Variants in CFH observed in about 807,000 individuals in gnomAD.
The protein encoded by CFH is complement factor H, also known as H factor 1 (complement).
CFH carries 53 observed loss-of-function variants against 147.3 expected under a neutral mutation model. The ratio of observed to expected loss-of-function variants is 0.36; its 90% confidence interval spans 0.29 to 0.45. CFH has a LOEUF of 0.45. Ranked by LOEUF, CFH falls within the 20% of genes least tolerant of loss-of-function variation. The probability of loss-of-function intolerance (pLI) is 1.00; values close to 1 mark genes in which losing one functional copy is unlikely to be tolerated. For synonymous variants in CFH, 536 were observed against 489.4 expected, an observed-to-expected ratio of 1.10 and a Z score of -1.26; for missense variants, 1,380 against 1,498.0, an observed-to-expected ratio of 0.92 and a Z score of 1.30.
chr1:196,713,884 A>C lies in CFH; in HGVS notation c.1486A>C (p.Lys496Gln). 1.2e-6 allele frequency: 2 copies of C among 1,612,722 alleles called. No individual in the cohort carries two copies. The highest frequency in any genetic ancestry group is 1.7e-6 in the Non-Finnish European group (2 of 1,179,124). ...AACATCAGGATCAATTACATGTGGG[A>C]AAGATGGATGGTCAGCTCAACCCAC... ...GETSGSITCG[K>Q]DGWSAQPTCI... Residue 496 changes from lysine to glutamine, a missense_variant, in exon 10 of 22, where the codon AAA becomes CAA. This residue lies in a region of CFH where 830 missense variants were observed against 821.4 expected (regional missense o/e 1.01). Coordinates refer to ENST00000367429, the MANE Select transcript of CFH (RefSeq NM_000186.4).
At chr1:196,685,328 G>A (rs1162699912) in intron 7 of CFH, 91 bp downstream of exon 7, 3 of 1,314,990 alleles carry the variant, frequency 2.3e-6, no homozygotes, top group South Asian at 1.2e-5. Context: ...CCAAATATTT[G>A]TCTTATTGTA....
chr1:196,718,740 A>G (rs1558175520), intron 11 of CFH, among the ~76,000 whole-genome samples: 1 of 152,080 alleles, frequency 6.6e-6, no homozygotes, highest in Non-Finnish European at 1.5e-5. Context: ...CAGACATGAA[A>G]TGAAAACCTA....
intron 9 of CFH, among the ~76,000 whole-genome samples, chr1:196,698,420 A>G (rs1363002005): frequency 1.3e-5 from 2 of 152,184 alleles, no homozygotes; most frequent in Non-Finnish European, 2.9e-5. Flanking sequence ...AATACAAACT[A>G]CCATCAGAGA....
At chr1:196,733,423 T>C (rs1373241113) in intron 15 of CFH, among the ~76,000 whole-genome samples, 1 of 152,076 alleles carries the variant, frequency 6.6e-6, no homozygotes, top group African/African-American at 2.4e-5. Flanking sequence ...ATTTTTCTAA[T>C]ATCTGCTGTG....
chr1:196,686,477 A>T (rs514756), intron 7 of CFH, among the ~76,000 whole-genome samples: 6,567 of 151,990 alleles, frequency 0.043, 442 homozygotes, highest in African/African-American at 0.14. Context: ...ACCCCTTTTT[A>T]ATGTTTTTTC....
At chr1:196,738,543 T>A (rs1006010667) in intron 17 of CFH, among the ~76,000 whole-genome samples, 1 of 152,180 alleles carries the variant, frequency 6.6e-6, no homozygotes, top group African/African-American at 2.4e-5. Context: ...TTGATGGAAG[T>A]CTGAAATTTA....
intron 10 of CFH, 114 bp downstream of exon 10, chr1:196,714,031 A>C (rs535078007): frequency 8.6e-5 from 79 of 917,114 alleles, no homozygotes; most frequent in African/African-American, 1.9e-4. Context: ...AGAAAAAAAA[A>C]CCTGCAGGAA....
intron 9 of CFH, among the ~76,000 whole-genome samples, chr1:196,694,611 A>C (rs938807727): frequency 6.6e-6 from 1 of 151,804 alleles, no homozygotes; most frequent in African/African-American, 2.4e-5. Flanking sequence ...ACTAATTTAC[A>C]CTCCCACCAA....
At chr1:196,739,472 G>A (rs1414219763) in intron 17 of CFH, among the ~76,000 whole-genome samples, 2 of 152,086 alleles carry the variant, frequency 1.3e-5, no homozygotes, top group Admixed American at 1.3e-4. Context: ...GATCTCTAAG[G>A]CAGGGCAATA....
At chr1:196,663,066 C>T (rs1329613924) in intron 1 of CFH, among the ~76,000 whole-genome samples, 1 of 152,156 alleles carries the variant, frequency 6.6e-6, no homozygotes, top group African/African-American at 2.4e-5. Context: ...ATATTTTTCT[C>T]TAACAAGGTT....
intron 15 of CFH, among the ~76,000 whole-genome samples, chr1:196,733,118 A>T (rs1669317810): frequency 6.6e-6 from 1 of 152,040 alleles, no homozygotes; most frequent in Admixed American, 6.6e-5. Context: ...TTGGTCCAGG[A>T]AGAATGGATA....
At chr1:196,706,004 C>T (rs1392442821) in intron 9 of CFH, among the ~76,000 whole-genome samples, 1 of 151,936 alleles carries the variant, frequency 6.6e-6, no homozygotes, top group East Asian at 1.9e-4. Flanking sequence ...CTTTAAAAAC[C>T]TGGACTTAAA....
intron 9 of CFH, among the ~76,000 whole-genome samples, chr1:196,693,529 A>G (rs1229179836): frequency 6.6e-6 from 1 of 152,118 alleles, no homozygotes; most frequent in African/African-American, 2.4e-5. Context: ...TTTCCACCTG[A>G]TAACTTGGAA....
At chr1:196,699,714 T>C (rs1304751527) in intron 9 of CFH, among the ~76,000 whole-genome samples, 1 of 152,210 alleles carries the variant, frequency 6.6e-6, no homozygotes, top group African/African-American at 2.4e-5. Flanking sequence ...TTTGGATGCG[T>C]TACTGTTCCA....
chr1:196,691,485 A>G (rs1335137355), intron 9 of CFH, among the ~76,000 whole-genome samples: 1 of 151,996 alleles, frequency 6.6e-6, no homozygotes, highest in East Asian at 1.9e-4. Flanking sequence ...ATGTTATAAC[A>G]TTATAGTGTA....
At chr1:196,691,886 T>C (rs1313897932) in intron 9 of CFH, among the ~76,000 whole-genome samples, 1 of 152,092 alleles carries the variant, frequency 6.6e-6, no homozygotes, top group African/African-American at 2.4e-5. Context: ...CTTTTCATAT[T>C]TTAAAAATAT....
Position 196,700,821 on chromosome 1 carries a change from G to A in CFH, c.1336+10582G>A, listed in dbSNP as rs1253300991. 3.0e-6 allele frequency: 3 copies of A among 985,220 alleles called. No homozygotes were observed. The African/African-American group carries it at 5.2e-5, about 17-fold the overall frequency. The allele number at this position is 985,220 out of a possible 1,614,324, so 61.0% of individuals were successfully genotyped here. ...GGCCTTAGCTGGGGCCTTCTGTGTT[G>A]GCAGGGCAGTGCTGACTTTCAGCAC... is the stretch of plus-strand genomic sequence containing the variant. On this transcript the variant is annotated intron_variant, in intron 9 of 21. Coordinates refer to ENST00000367429, the MANE Select transcript of CFH (RefSeq NM_000186.4).
At chr1:196,663,744 C>T (rs1666983552) in intron 1 of CFH, among the ~76,000 whole-genome samples, 1 of 152,110 alleles carries the variant, frequency 6.6e-6, no homozygotes, top group Non-Finnish European at 1.5e-5. Flanking sequence ...TTTAAAATTC[C>T]TTGGTGCTCT....
chr1:196,652,275 T>C (rs1280673863), intron 1 of CFH, 100 bp downstream of exon 1: 5 of 901,560 alleles, frequency 5.5e-6, no homozygotes, highest in Non-Finnish European at 8.9e-6. Flanking sequence ...GAAAATGTGC[T>C]TAAGTATTCT....
Sources: gnomAD v4.1 joint callset for allele counts (sites outside exome capture counted in the v4.1 genomes callset) on GRCh38, gnomAD v4.1.1 for gene constraint, gnomAD v4.1.1 regional missense constraint, MANE v1.5 for transcripts, NCBI Gene and HGNC (gene_info 2026-07-23, HGNC 2026-07-21) for gene names.